Variants in DENND2A observed in about 807,000 individuals in gnomAD.
DENND2A encodes DENN domain containing 2A, also known as DENN domain-containing protein 2A.
In DENND2A, 53 loss-of-function variants were observed where a neutral mutation model predicts 105.3. The ratio of observed to expected loss-of-function variants is 0.50; its 90% confidence interval spans 0.40 to 0.63. The LOEUF (loss-of-function observed/expected upper bound fraction) is 0.63, where lower values mean the gene tolerates loss of function less well. Ranked by LOEUF, DENND2A falls within the 30% of genes least tolerant of loss-of-function variation. DENND2A has a pLI of 0.00. For synonymous variants in DENND2A, 522 were observed against 508.4 expected, an observed-to-expected ratio of 1.03 and a Z score of -0.36; for missense variants, 1,138 against 1,279.6, an observed-to-expected ratio of 0.89 and a Z score of 1.69.
chr7:140,567,579 T>C (rs1797918664), intron 8 of DENND2A, among the ~76,000 whole-genome samples: 1 of 152,128 alleles, frequency 6.6e-6, no homozygotes, highest in Non-Finnish European at 1.5e-5. Context: ...TGCTCTGCCA[T>C]GGTTTTGCTG....
At chr7:140,574,080 C>T in intron 5 of DENND2A, 72 bp from the exon 6 acceptor site, 1 of 1,546,298 alleles carries the variant, frequency 6.5e-7, no homozygotes, top group Non-Finnish European at 8.9e-7. Flanking sequence ...CTGGTGGTGC[C>T]AGGGACGAGA....
chr7:140,549,033 C>A (rs1797013720), intron 12 of DENND2A, among the ~76,000 whole-genome samples: 1 of 151,632 alleles, frequency 6.6e-6, no homozygotes, highest in Non-Finnish European at 1.5e-5. Flanking sequence ...AGCCTGCCAA[C>A]ACGGTGAAAC....
rs1468363510 is a variant in DENND2A, at chr7:140,527,285, C to T, written c.2505+33G>A. 17 of 1,540,500 alleles carry T rather than the reference C, an allele frequency of 1.1e-5. No individual in the cohort carries two copies. The highest frequency in any genetic ancestry group is 2.0e-5 in the Admixed American group (1 of 50,628). ...GCCCCGCTCTGTTCTCCGCACCCTG[C>T]AGGGAGGGGGACAGGGCTGAGTGGG... On this transcript the variant is annotated intron_variant, in intron 15 of 19. Coordinates refer to ENST00000496613, the MANE Select transcript of DENND2A (RefSeq NM_015689.5). This position sits in a 1 kb window ranked among gnomAD's most constrained non-coding sequence, Gnocchi z 4.9.
chr7:140,628,536 C>CTTTTT (rs987018660), intron 1 of DENND2A, among the ~76,000 whole-genome samples: 261 of 116,076 alleles, frequency 2.2e-3, no homozygotes, highest in East Asian at 3.3e-3. Flanking sequence ...AAATTTCTTT[C>CTTTTT]TTTTTTTTTT....
At chr7:140,565,461 T>C (rs979122924) in intron 9 of DENND2A, among the ~76,000 whole-genome samples, 1 of 152,186 alleles carries the variant, frequency 6.6e-6, no homozygotes, top group African/African-American at 2.4e-5. Context: ...ATGCAATATA[T>C]TCTTAGTAAA....
intron 1 of DENND2A, among the ~76,000 whole-genome samples, chr7:140,639,755 G>C (rs1801114494): frequency 6.6e-6 from 1 of 152,164 alleles, no homozygotes; most frequent in South Asian, 2.1e-4. Context: ...AGCACCAGCT[G>C]GTTAAGGCAG....
At chr7:140,599,292 T>TG (rs1406341099) in intron 3 of DENND2A, among the ~76,000 whole-genome samples, 5 of 151,954 alleles carry the variant, frequency 3.3e-5, no homozygotes, top group African/African-American at 1.2e-4. Context: ...GAGCTGATAT[T>TG]GTGCCACCAC....
rs946528120 is a variant in DENND2A at position 140,640,393 on chromosome 7, G to T, written c.-248+111C>A. 6.6e-6 allele frequency: 1 copy of T among 152,384 alleles called. No individual in the cohort carries two copies. The highest frequency in any genetic ancestry group is 1.9e-4 in the East Asian group (1 of 5,140). 9.4% of individuals were successfully genotyped at this position (152,384 alleles called of 1,614,324 possible). On this transcript the variant is annotated intron_variant, in intron 1 of 19. Transcript: ENST00000496613. This position sits in a 1 kb window ranked among gnomAD's most constrained non-coding sequence, Gnocchi z 4.9. The stretch of plus-strand genomic sequence containing the variant: ...TCCCGTCTGCAGAGCCGCTTCCCCC[G>T]TCAGGGCTCAGGCCGCGCGAGCCGT...
intron 2 of DENND2A, among the ~76,000 whole-genome samples, chr7:140,604,455 A>C (rs1393482469): frequency 6.6e-6 from 1 of 152,268 alleles, no homozygotes; most frequent in Non-Finnish European, 1.5e-5. Flanking sequence ...ACAAAGAGAA[A>C]ATATTTTTAA....
At chr7:140,586,449 C>T (rs2130647461) in intron 4 of DENND2A, among the ~76,000 whole-genome samples, 1 of 151,854 alleles carries the variant, frequency 6.6e-6, no homozygotes, top group African/African-American at 2.4e-5. Context: ...ATCCCAGCTA[C>T]TTGGGAGGCT....
At position 140,605,715 on chromosome 7, in the gene DENND2A, A is replaced by G. The variant is rs948194086; in HGVS notation, c.-156T>C. 9 of 152,184 alleles carry G rather than the reference A, an allele frequency of 5.9e-5. No individual in the cohort carries two copies. Among genetic ancestry groups the G allele is most frequent in the African/African-American group, 2.2e-4 (9 of 41,404 alleles). The allele number at this position is 152,184 out of a possible 1,614,324, so 9.4% of individuals were successfully genotyped here. Reference sequence around the variant, plus strand: ...GAGAAGTGTTCTTACTTGTCAGCCAATTTGTAGCTCAGGTTTTCAGTCTGG... The same window carrying G: ...GAGAAGTGTTCTTACTTGTCAGCCAGTTTGTAGCTCAGGTTTTCAGTCTGG... On this transcript the variant is annotated 5_prime_UTR_variant, in exon 2 of 20. Transcript: ENST00000496613.
intron 10 of DENND2A, among the ~76,000 whole-genome samples, chr7:140,558,896 G>A (rs1040855283): frequency 2.0e-5 from 3 of 149,198 alleles, no homozygotes; most frequent in African/African-American, 5.0e-5. Flanking sequence ...TCTGCCGCCC[G>A]GGTTCAAGCG....
chr7:140,531,211 C>T (rs1320576097), intron 14 of DENND2A, among the ~76,000 whole-genome samples: 1 of 152,152 alleles, frequency 6.6e-6, no homozygotes, highest in Non-Finnish European at 1.5e-5. Flanking sequence ...TCACTTTGTT[C>T]TAAATTGTTT....
chr7:140,629,678 C>T (rs903210540), intron 1 of DENND2A, among the ~76,000 whole-genome samples: 2 of 152,072 alleles, frequency 1.3e-5, no homozygotes, highest in South Asian at 2.1e-4. Flanking sequence ...AATGAGCTAA[C>T]GGTCTTTATA....
At chr7:140,600,301 A>T (rs995730050) in intron 3 of DENND2A, among the ~76,000 whole-genome samples, 1 of 152,016 alleles carries the variant, frequency 6.6e-6, no homozygotes, top group Non-Finnish European at 1.5e-5. Context: ...TCAATTTGGG[A>T]ATCATAAGCA....
At chr7:140,569,470 G>A (rs1797999589) in intron 7 of DENND2A, among the ~76,000 whole-genome samples, 175 bp downstream of exon 7, 1 of 152,188 alleles carries the variant, frequency 6.6e-6, no homozygotes. Context: ...CAGGGGACAT[G>A]CTGCCCCGGC....
At chr7:140,533,471 G>A (rs558390937) in intron 14 of DENND2A, among the ~76,000 whole-genome samples, 6 of 152,178 alleles carry the variant, frequency 3.9e-5, no homozygotes, top group Non-Finnish European at 7.3e-5. Context: ...GACACCCGGA[G>A]GCCCTGGTTC....
At chr7:140,629,828 A>G (rs555518927) in intron 1 of DENND2A, among the ~76,000 whole-genome samples, 1 of 150,990 alleles carries the variant, frequency 6.6e-6, no homozygotes, top group Admixed American at 6.6e-5. Context: ...TTCACTCTCT[A>G]CATGGTGTCT....
intron 3 of DENND2A, among the ~76,000 whole-genome samples, chr7:140,590,671 C>A (rs1339541063): frequency 6.6e-6 from 1 of 151,906 alleles, no homozygotes; most frequent in African/African-American, 2.4e-5. Flanking sequence ...TCAAGGCCAG[C>A]CTGGGCAACA....
Sources: gnomAD v4.1 joint callset for allele counts (sites outside exome capture counted in the v4.1 genomes callset) on GRCh38, gnomAD v4.1.1 for gene constraint, Gnocchi (gnomAD v3.1) non-coding constraint, MANE v1.5 for transcripts, NCBI Gene and HGNC (gene_info 2026-07-23, HGNC 2026-07-21) for gene names.